Variants in ASIC2 observed in about 807,000 individuals in gnomAD.
ASIC2 encodes the protein acid-sensing ion channel 2.
Under a neutral mutation model 57.3 loss-of-function variants are expected in ASIC2, and 25 were observed. That is an observed-to-expected ratio of 0.44 (90% CI 0.32 to 0.61). The LOEUF (loss-of-function observed/expected upper bound fraction) is 0.61. ASIC2 is among the 20% of genes least tolerant of loss of function. The probability of loss-of-function intolerance (pLI) is 0.06; values close to 1 mark genes in which losing one functional copy is unlikely to be tolerated. For missense variants in ASIC2, 641 were observed against 738.1 expected (o/e 0.87, Z 1.52); for synonymous variants, 319 against 307.5 (o/e 1.04, Z -0.39).
intron 1 of ASIC2, among the ~76,000 whole-genome samples, chr17:33,736,230 A>G (rs377518400): frequency 1.7e-3 from 260 of 152,036 alleles, no homozygotes; most frequent in African/African-American, 5.8e-3. Flanking sequence ...ATGAGAGAAA[A>G]GATTATGAAA....
Position 33,647,554 on chromosome 17 carries a change from G to A in ASIC2, c.555+508424C>T, listed in dbSNP as rs576923782. On this transcript the variant is annotated intron_variant, in intron 1 of 9. Transcript: ENST00000359872. ...GGACCTGATAATGAGGGGCAGACCAGCAGGGCTGAGACCCCAGGTTACCCA... is the reference window on the plus strand; with the variant it reads ...GGACCTGATAATGAGGGGCAGACCAACAGGGCTGAGACCCCAGGTTACCCA... 5.9e-5 allele frequency among the ~76,000 whole-genome samples: 9 copies of A among 152,334 alleles called. No individual in the cohort carries two copies. The South Asian group carries it at 1.9e-3, about 32-fold the overall frequency.
At chr17:34,138,493 G>T (rs1912184696) in intron 1 of ASIC2, among the ~76,000 whole-genome samples, 1 of 152,184 alleles carries the variant, frequency 6.6e-6, no homozygotes, top group Non-Finnish European at 1.5e-5. Flanking sequence ...AAAGTGCCAG[G>T]GAAGAGACAA....
chr17:33,930,724 G>T (rs990658025), intron 1 of ASIC2, among the ~76,000 whole-genome samples: 2 of 152,210 alleles, frequency 1.3e-5, no homozygotes, highest in Non-Finnish European at 2.9e-5. Context: ...GCTTGGCAGT[G>T]GCCCCAGTGG....
chr17:33,765,043 G>A (rs911700808), intron 1 of ASIC2, among the ~76,000 whole-genome samples: 3 of 152,138 alleles, frequency 2.0e-5, no homozygotes, highest in African/African-American at 7.2e-5. Context: ...TCTTTCTGGA[G>A]GGGAAAAAGC....
chr17:33,825,141 C>G (rs1424621407), intron 1 of ASIC2, among the ~76,000 whole-genome samples: 1 of 152,194 alleles, frequency 6.6e-6, no homozygotes, highest in Non-Finnish European at 1.5e-5. Flanking sequence ...ACCATGTCTT[C>G]TATTTTTTGT....
At chr17:34,114,390 G>T (rs1462829863) in intron 1 of ASIC2, among the ~76,000 whole-genome samples, 2 of 152,190 alleles carry the variant, frequency 1.3e-5, no homozygotes, top group African/African-American at 4.8e-5. Context: ...CTCTGGGAAG[G>T]TCTGTGAGGG....
intron 1 of ASIC2, chr17:33,680,884 T>G (rs1055618204): frequency 1.3e-5 from 2 of 152,232 alleles, no homozygotes; most frequent in Non-Finnish European, 1.5e-5. Flanking sequence ...AGTTTTTGCA[T>G]GTAATTATGT....
intron 1 of ASIC2, among the ~76,000 whole-genome samples, chr17:33,667,952 C>T (rs1024343288): frequency 2.6e-5 from 4 of 152,184 alleles, no homozygotes; most frequent in African/African-American, 9.7e-5. Flanking sequence ...AAGTCCAGGC[C>T]TGCTCAAAAC....
At chr17:33,922,305 CTCCT>C (rs530882421) in intron 1 of ASIC2, among the ~76,000 whole-genome samples, 10 of 152,144 alleles carry the variant, frequency 6.6e-5, no homozygotes, top group East Asian at 5.8e-4. Flanking sequence ...CCCTCCCTCC[CTCCT>C]TCCTTCCTTC....
intron 1 of ASIC2, among the ~76,000 whole-genome samples, chr17:33,751,292 C>A (rs977605771): frequency 6.6e-6 from 1 of 152,178 alleles, no homozygotes; most frequent in African/African-American, 2.4e-5. Flanking sequence ...GACACGGCAC[C>A]AATGTGGTCT....
chr17:33,815,725 G>A (rs757081236), intron 1 of ASIC2, among the ~76,000 whole-genome samples: 5 of 152,228 alleles, frequency 3.3e-5, no homozygotes, highest in Non-Finnish European at 5.9e-5. Context: ...TTGTTTACTC[G>A]CTTTACTGTC....
intron 1 of ASIC2, among the ~76,000 whole-genome samples, chr17:33,762,013 G>T (rs1488497790): frequency 6.6e-6 from 1 of 152,098 alleles, no homozygotes; most frequent in Admixed American, 6.6e-5. Flanking sequence ...TGGAAAAACT[G>T]GTTCACTGAC....
chr17:33,656,493 G>C (rs766853595), intron 1 of ASIC2, among the ~76,000 whole-genome samples: 1 of 152,124 alleles, frequency 6.6e-6, no homozygotes, highest in Non-Finnish European at 1.5e-5. Context: ...TGTCTGCCAG[G>C]GTCCCCCTCA....
intron 1 of ASIC2, among the ~76,000 whole-genome samples, chr17:34,062,357 T>C (rs1296569739): frequency 6.6e-6 from 1 of 152,148 alleles, no homozygotes; most frequent in East Asian, 1.9e-4. Context: ...ATCAAAACCT[T>C]TGGGATGCAG....
chr17:33,715,900 C>G (rs1450466283), intron 1 of ASIC2, among the ~76,000 whole-genome samples: 1 of 152,072 alleles, frequency 6.6e-6, no homozygotes, highest in African/African-American at 2.4e-5. Flanking sequence ...CGTGGAGGGC[C>G]TAGAATTCAA....
At chr17:33,133,814 T>G (rs1009430050) in intron 1 of ASIC2, among the ~76,000 whole-genome samples, 2 of 152,040 alleles carry the variant, frequency 1.3e-5, no homozygotes, top group Non-Finnish European at 2.9e-5. Context: ...ACAAGCTGAA[T>G]GGAGGTTAAA....
intron 1 of ASIC2, among the ~76,000 whole-genome samples, chr17:34,043,148 G>A (rs1178099635): frequency 6.6e-6 from 1 of 152,184 alleles, no homozygotes; most frequent in African/African-American, 2.4e-5. Context: ...GGAAGGGCAT[G>A]GTGGCAGGGT....
chr17:33,393,080 C>T (rs1443433672), intron 1 of ASIC2, among the ~76,000 whole-genome samples: 1 of 152,206 alleles, frequency 6.6e-6, no homozygotes, highest in Non-Finnish European at 1.5e-5. Flanking sequence ...AACTCACCTC[C>T]TGGCCAGCTC....
At chr17:33,954,310 A>G (rs12951920) in intron 1 of ASIC2, among the ~76,000 whole-genome samples, 110,454 of 151,850 alleles carry the variant, frequency 0.73, 40,262 homozygotes, top group African/African-American at 0.78. Flanking sequence ...GGTATCTGTG[A>G]CCCAATCACC....
Sources: gnomAD v4.1 joint callset for allele counts (sites outside exome capture counted in the v4.1 genomes callset) on GRCh38, gnomAD v4.1.1 for gene constraint, MANE v1.5 for transcripts, NCBI Gene and HGNC (gene_info 2026-07-23, HGNC 2026-07-21) for gene names.